The following CNTN5 variants were observed in gnomAD, a reference collection of about 807,000 sequenced individuals.
The protein encoded by CNTN5 is contactin 5.
CNTN5 carries 77 observed loss-of-function variants against 129.1 expected under a neutral mutation model. The observed-to-expected ratio is 0.60, with a 90% confidence interval of 0.50 to 0.72. CNTN5 has a LOEUF of 0.72. Among genes scored for constraint, CNTN5 ranks in the 30% least tolerant of loss-of-function variants. The probability of loss-of-function intolerance (pLI) is 0.00; values close to 1 mark genes in which losing one functional copy is unlikely to be tolerated. For missense variants in CNTN5, 1,478 were observed against 1,328.8 expected (o/e 1.11, Z -1.75); for synonymous variants, 509 against 465.6 (o/e 1.09, Z -1.20).
intron 2 of CNTN5, among the ~76,000 whole-genome samples, chr11:99,459,980 T>A (rs2135228918): frequency 6.6e-6 from 1 of 151,986 alleles, no homozygotes; most frequent in East Asian, 1.9e-4. Context: ...GGAGCAGAGA[T>A]TATTTTAAAG....
intron 2 of CNTN5, among the ~76,000 whole-genome samples, chr11:99,411,416 A>G (rs1197949773): frequency 6.6e-6 from 1 of 152,174 alleles, no homozygotes; most frequent in Non-Finnish European, 1.5e-5. Context: ...GCTATTTGGG[A>G]GACTGAGGAA....
chr11:99,679,632 G>C (rs549244053), intron 3 of CNTN5, among the ~76,000 whole-genome samples: 1 of 152,026 alleles, frequency 6.6e-6, no homozygotes, highest in Non-Finnish European at 1.5e-5. Context: ...CCTGTCCTTG[G>C]CCTTCCTTAT....
chr11:100,102,526 G>A (rs1945260747), intron 13 of CNTN5, among the ~76,000 whole-genome samples: 1 of 151,722 alleles, frequency 6.6e-6, no homozygotes, highest in African/African-American at 2.4e-5. Context: ...AGAATGTCCT[G>A]AAAATACAGT....
At chr11:99,943,024 C>T (rs968574853) in intron 7 of CNTN5, among the ~76,000 whole-genome samples, 2 of 151,968 alleles carry the variant, frequency 1.3e-5, no homozygotes, top group African/African-American at 2.4e-5. Context: ...GTGCATGTGT[C>T]TTTATAGTAG....
chr11:100,002,964 A>G (rs1389393572), intron 9 of CNTN5, among the ~76,000 whole-genome samples: 2 of 152,062 alleles, frequency 1.3e-5, no homozygotes, highest in African/African-American at 2.4e-5. Flanking sequence ...GCAAACTCCC[A>G]CAATATAACT....
At chr11:100,092,630 GT>G (rs1944832066) in intron 13 of CNTN5, among the ~76,000 whole-genome samples, 1 of 152,054 alleles carries the variant, frequency 6.6e-6, no homozygotes, top group Admixed American at 6.6e-5. Context: ...TTATAAGATT[GT>G]TTTAAAAATT....
chr11:100,271,612 C>T (rs117033275), intron 18 of CNTN5, among the ~76,000 whole-genome samples: 4,383 of 152,180 alleles, frequency 0.029, 105 homozygotes, highest in Middle Eastern at 0.051. Context: ...TGATACTTTA[C>T]TTGAATTACA....
chr11:100,192,955 C>T (rs893917317), intron 14 of CNTN5, among the ~76,000 whole-genome samples: 2 of 151,790 alleles, frequency 1.3e-5, no homozygotes, highest in Admixed American at 6.6e-5. Context: ...AGCTTTTTGT[C>T]GAGTGTAAAG....
At chr11:99,972,119 G>A (rs1309869604) in intron 8 of CNTN5, among the ~76,000 whole-genome samples, 1 of 145,034 alleles carries the variant, frequency 6.9e-6, no homozygotes, top group African/African-American at 2.6e-5. Flanking sequence ...AAATTAGCCG[G>A]GCGTGGTGGC....
chr11:99,937,373 G>A (rs1054905528), intron 7 of CNTN5, among the ~76,000 whole-genome samples: 4 of 152,182 alleles, frequency 2.6e-5, no homozygotes, highest in Admixed American at 1.3e-4. Context: ...AACAAGCATC[G>A]AAAATGAGTG....
At chr11:100,236,490 G>A (rs961796254) in intron 16 of CNTN5, among the ~76,000 whole-genome samples, 1 of 152,128 alleles carries the variant, frequency 6.6e-6, no homozygotes, top group African/African-American at 2.4e-5. Flanking sequence ...TATAAAAGGG[G>A]GTTCTTTTCC....
chr11:99,646,254 C>A (rs1374896824), intron 3 of CNTN5, among the ~76,000 whole-genome samples: 1 of 152,212 alleles, frequency 6.6e-6, no homozygotes, highest in Non-Finnish European at 1.5e-5. Context: ...AGCTGGATAG[C>A]AAACTACATA....
At chr11:100,071,054 A>C (rs1473931660) in intron 11 of CNTN5, among the ~76,000 whole-genome samples, 1 of 152,136 alleles carries the variant, frequency 6.6e-6, no homozygotes, top group East Asian at 1.9e-4. Flanking sequence ...ACAACATTTA[A>C]AATTTAAATT....
chr11:100,181,402 A>G (rs1249076267), intron 13 of CNTN5, among the ~76,000 whole-genome samples: 2 of 151,960 alleles, frequency 1.3e-5, no homozygotes, highest in African/African-American at 2.4e-5. Context: ...GTTGCCAGGA[A>G]TTAGGAAGCG....
At chr11:100,087,479 A>G (rs1346238176) in intron 13 of CNTN5, among the ~76,000 whole-genome samples, 1 of 151,862 alleles carries the variant, frequency 6.6e-6, no homozygotes, top group Admixed American at 6.6e-5. Flanking sequence ...TAACAACAAA[A>G]TTTGCCAAAG....
At chr11:99,279,868 C>A (rs1350048302) in intron 1 of CNTN5, among the ~76,000 whole-genome samples, 1 of 151,362 alleles carries the variant, frequency 6.6e-6, no homozygotes, top group Non-Finnish European at 1.5e-5. Flanking sequence ...TGGCTCGGTG[C>A]TTTCACCTGA....
intron 3 of CNTN5, among the ~76,000 whole-genome samples, chr11:99,653,306 ATAAGCTTGTTTATCTCATCTT>A (rs539433708): frequency 2.7e-4 from 41 of 152,090 alleles, no homozygotes; most frequent in African/African-American, 9.9e-4. Flanking sequence ...ACATTTTTTT[ATAAGCTTGTTTATCTCATCTT>A]TTTCCCCATA....
intron 1 of CNTN5, among the ~76,000 whole-genome samples, chr11:99,320,472 G>T (rs1304086891): frequency 1.3e-5 from 2 of 152,094 alleles, no homozygotes; most frequent in African/African-American, 2.4e-5. Context: ...AAATTTGGAA[G>T]TTTTTTGTGT....
At chr11:99,974,278 C>T (rs1291037217) in intron 8 of CNTN5, among the ~76,000 whole-genome samples, 1 of 152,144 alleles carries the variant, frequency 6.6e-6, no homozygotes, top group Non-Finnish European at 1.5e-5. Context: ...AAAGAGTACA[C>T]GCCTAATCTT....
Sources: gnomAD v4.1 joint callset for allele counts (sites outside exome capture counted in the v4.1 genomes callset) on GRCh38, gnomAD v4.1.1 for gene constraint, MANE v1.5 for transcripts, NCBI Gene and HGNC (gene_info 2026-07-23, HGNC 2026-07-21) for gene names.